Variants in RABEP1 observed in about 807,000 individuals in gnomAD.
RABEP1 encodes the protein rabaptin, RAB GTPase binding effector protein 1, also known as rab GTPase-binding effector protein 1.
In RABEP1, 51 loss-of-function variants were observed where a neutral mutation model predicts 123.4. The observed-to-expected ratio is 0.41, with a 90% CI of 0.33 to 0.52. The LOEUF (loss-of-function observed/expected upper bound fraction) is 0.52, where lower values mean the gene tolerates loss of function less well. Among genes scored for constraint, RABEP1 ranks in the 20% least tolerant of loss-of-function variants. RABEP1 has a pLI of 0.16. For synonymous variants in RABEP1, 347 were observed against 355.2 expected (o/e 0.98, Z 0.26); for missense variants, 888 against 996.3 (o/e 0.89, Z 1.46).
chr17:5,380,172 C>G (rs146525150), intron 15 of RABEP1, among the ~76,000 whole-genome samples, 192 bp from the exon 16 acceptor site: 1 of 152,064 alleles, frequency 6.6e-6, no homozygotes, highest in East Asian at 1.9e-4. Flanking sequence ...ATAGTAGGCA[C>G]CTAATAATGG....
chr17:5,375,109 T>TC (rs1910883677), intron 13 of RABEP1, among the ~76,000 whole-genome samples: 1 of 151,300 alleles, frequency 6.6e-6, no homozygotes, highest in Non-Finnish European at 1.5e-5. Context: ...CTTTTTTTTT[T>TC]TTTTTTTCCT....
At position 5,289,182 on chromosome 17, in the gene RABEP1, CCT is replaced by C. The variant is rs1221581132; in HGVS notation, c.34+6663_34+6664del. 3.4e-5 allele frequency among the ~76,000 whole-genome samples: 5 copies of C among 148,844 alleles called. No homozygotes were observed. The East Asian group carries it at 5.9e-4, about 18-fold the overall frequency. On this transcript the variant is annotated intron_variant, in intron 1 of 17. Transcript: ENST00000537505. Reference sequence around the variant, plus strand: ...TCCCTTTCTTCTTCTTCTTCCTCTTCCTTTTCTCTTCTACTATGAGTTGCTGT... The same window carrying C: ...TCCCTTTCTTCTTCTTCTTCCTCTTCTTTCTCTTCTACTATGAGTTGCTGT...
intron 1 of RABEP1, chr17:5,283,867 T>C (rs1046828803): frequency 6.6e-6 from 1 of 152,290 alleles, no homozygotes; most frequent in Admixed American, 6.5e-5. Flanking sequence ...GAACCTGCTT[T>C]GCTGTTTCTG....
At chr17:5,324,849 C>T (rs1012856534) in intron 2 of RABEP1, among the ~76,000 whole-genome samples, 3 of 152,160 alleles carry the variant, frequency 2.0e-5, no homozygotes, top group Admixed American at 6.5e-5. Flanking sequence ...AATGGGATAT[C>T]CTGTCACCAC....
intron 15 of RABEP1, 132 bp downstream of exon 15, chr17:5,378,364 A>G: frequency 1.2e-6 from 1 of 841,030 alleles, no homozygotes; most frequent in Non-Finnish European, 2.0e-6. Context: ...TCTTGTGGGA[A>G]GAAAACCACG....
intron 11 of RABEP1, 78 bp from the exon 12 acceptor site, chr17:5,368,292 A>G: frequency 9.9e-7 from 1 of 1,007,102 alleles, no homozygotes; most frequent in Non-Finnish European, 1.5e-6. Flanking sequence ...CCAGACACTA[A>G]ATAGTTAGAA....
At chr17:5,282,717 GGCGGGAGGC>G (rs1229264186) in intron 1 of RABEP1, among the ~76,000 whole-genome samples, 197 bp downstream of exon 1, 3 of 148,664 alleles carry the variant, frequency 2.0e-5, no homozygotes, top group Non-Finnish European at 4.5e-5. Flanking sequence ...CTGGGGAGGG[GGCGGGAGGC>G]GCGGGTGCAG....
chr17:5,295,763 A>G (rs1254846419), intron 1 of RABEP1, among the ~76,000 whole-genome samples: 1 of 152,140 alleles, frequency 6.6e-6, no homozygotes, highest in Non-Finnish European at 1.5e-5. Flanking sequence ...AGAGCATTCT[A>G]AATTTGGTTC....
At chr17:5,295,256 G>A (rs2075071903) in intron 1 of RABEP1, among the ~76,000 whole-genome samples, 1 of 151,688 alleles carries the variant, frequency 6.6e-6, no homozygotes, top group Non-Finnish European at 1.5e-5. Context: ...GCGTGGTGGT[G>A]CACACCTGTA....
intron 8 of RABEP1, among the ~76,000 whole-genome samples, chr17:5,357,371 T>A (rs1029594668): frequency 4.6e-5 from 7 of 151,998 alleles, no homozygotes; most frequent in African/African-American, 1.7e-4. Context: ...CTAATTGATT[T>A]GTGACTTTTT....
intron 11 of RABEP1, among the ~76,000 whole-genome samples, chr17:5,366,172 C>T (rs775210445): frequency 6.6e-6 from 1 of 152,114 alleles, no homozygotes; most frequent in South Asian, 2.1e-4. Flanking sequence ...TAATTATAGC[C>T]ATTTCGGTGG....
chr17:5,301,484 C>T (rs543578912), intron 1 of RABEP1, among the ~76,000 whole-genome samples: 21 of 152,250 alleles, frequency 1.4e-4, no homozygotes, highest in Non-Finnish European at 2.2e-4. Context: ...AGCAGTACTA[C>T]TGAAAGTAAC....
chr17:5,310,090 C>T (rs763127403), intron 2 of RABEP1, among the ~76,000 whole-genome samples: 1 of 152,096 alleles, frequency 6.6e-6, no homozygotes, highest in Non-Finnish European at 1.5e-5. Flanking sequence ...TAGATGATTC[C>T]AGTTACTGCT....
At chr17:5,374,510 C>T (rs2144717615) in intron 13 of RABEP1, among the ~76,000 whole-genome samples, 1 of 151,808 alleles carries the variant, frequency 6.6e-6, no homozygotes, top group East Asian at 1.9e-4. Context: ...GATCTTGGCT[C>T]ACTGCAACCT....
At chr17:5,289,254 A>T (rs1358264019) in intron 1 of RABEP1, among the ~76,000 whole-genome samples, 2 of 140,156 alleles carry the variant, frequency 1.4e-5, no homozygotes, top group Non-Finnish European at 3.1e-5. Flanking sequence ...TCTGTTTCCC[A>T]TTTTTCCATT....
At chr17:5,294,606 T>C (rs2075062933) in intron 1 of RABEP1, among the ~76,000 whole-genome samples, 1 of 145,326 alleles carries the variant, frequency 6.9e-6, no homozygotes, top group African/African-American at 2.5e-5. Flanking sequence ...CCAATTTCCC[T>C]CAGATACTGA....
chr17:5,288,602 T>A (rs1411575402), intron 1 of RABEP1, among the ~76,000 whole-genome samples: 1 of 151,950 alleles, frequency 6.6e-6, no homozygotes, highest in African/African-American at 2.4e-5. Flanking sequence ...GCCATGTTCG[T>A]CAGGCTGGCC....
intron 13 of RABEP1, among the ~76,000 whole-genome samples, chr17:5,374,134 TC>T (rs1910777899): frequency 1.3e-5 from 2 of 150,144 alleles, no homozygotes; most frequent in Admixed American, 6.6e-5. Context: ...TGGCATCATC[TC>T]TGCTCACTGC....
intron 1 of RABEP1, among the ~76,000 whole-genome samples, chr17:5,301,380 G>A (rs1053618194): frequency 2.0e-5 from 3 of 152,062 alleles, no homozygotes; most frequent in Non-Finnish European, 4.4e-5. Context: ...TCTATTTTGG[G>A]AAGCTGAAAC....
Sources: gnomAD v4.1 joint callset for allele counts (sites outside exome capture counted in the v4.1 genomes callset) on GRCh38, gnomAD v4.1.1 for gene constraint, MANE v1.5 for transcripts, NCBI Gene and HGNC (gene_info 2026-07-23, HGNC 2026-07-21) for gene names.